The following DIP2C variants were observed in gnomAD, a reference collection of about 807,000 sequenced individuals.
DIP2C encodes disco-interacting protein 2 homolog C.
Under a neutral mutation model 192.4 loss-of-function variants are expected in DIP2C, and 33 were observed. The ratio of observed to expected loss-of-function variants is 0.17; its 90% confidence interval spans 0.13 to 0.23. The LOEUF (loss-of-function observed/expected upper bound fraction) is 0.23. Among genes scored for constraint, DIP2C ranks in the 10% least tolerant of loss-of-function variants. The pLI is 1.00. For synonymous variants in DIP2C, 979 were observed against 864.1 expected, an observed-to-expected ratio of 1.13 and a Z score of -2.33; for missense variants, 1,537 against 2,110.1, an observed-to-expected ratio of 0.73 and a Z score of 5.32.
chr10:319,213 C>T (rs1956902037), intron 31 of DIP2C, among the ~76,000 whole-genome samples: 1 of 152,144 alleles, frequency 6.6e-6, no homozygotes. Context: ...GCGCCTGGCT[C>T]ACTTCTTTCA....
chr10:327,276 C>G, intron 30 of DIP2C, 100 bp from the exon 31 acceptor site: 1 of 1,372,230 alleles, frequency 7.3e-7, no homozygotes. Flanking sequence ...CATTGGAAAA[C>G]TCAACACAGC....
intron 1 of DIP2C, among the ~76,000 whole-genome samples, chr10:539,874 A>G (rs984066444): frequency 1.3e-5 from 2 of 152,252 alleles, no homozygotes; most frequent in African/African-American, 4.8e-5. Flanking sequence ...ACAATATGCA[A>G]AAACATGGGA....
intron 1 of DIP2C, among the ~76,000 whole-genome samples, chr10:685,165 TATATATATATATATATATATAC>T (rs1203201033): frequency 0.022 from 442 of 20,016 alleles, 4 homozygotes; most frequent in African/African-American, 0.058. Flanking sequence ...AAAAAAAATA[TATATATATATATATATATATAC>T]ATATATATAT....
intron 4 of DIP2C, among the ~76,000 whole-genome samples, chr10:433,408 G>A (rs766903312): frequency 1.3e-5 from 2 of 152,184 alleles, no homozygotes; most frequent in Non-Finnish European, 2.9e-5. Flanking sequence ...GCTGGGCAGT[G>A]GCTCATGCCT....
intron 3 of DIP2C, among the ~76,000 whole-genome samples, chr10:454,931 C>T (rs11252522): frequency 0.16 from 24,350 of 151,958 alleles, 5,038 homozygotes; most frequent in African/African-American, 0.48. Context: ...TAGAAAAACC[C>T]ATACCCTTCA....
At chr10:421,740 GGTT>G (rs1234731725) in intron 5 of DIP2C, among the ~76,000 whole-genome samples, 1 of 152,108 alleles carries the variant, frequency 6.6e-6, no homozygotes, top group Non-Finnish European at 1.5e-5. Flanking sequence ...AAAAAGAAAT[GGTT>G]TTTTTCATTT....
chr10:616,506 T>C (rs57767918), intron 1 of DIP2C, among the ~76,000 whole-genome samples: 5,685 of 152,258 alleles, frequency 0.037, 323 homozygotes, highest in African/African-American at 0.13. Context: ...GGGCATCCCA[T>C]CAGCGGGCCC....
intron 29 of DIP2C, among the ~76,000 whole-genome samples, chr10:337,796 T>TGTGTGTTGTGGAGGCCTAG (rs1564576993): frequency 5.9e-5 from 1 of 17,070 alleles, no homozygotes; most frequent in African/African-American, 2.9e-4. Flanking sequence ...GCTGTGTGTG[T>TGTGTGTTGTGGAGGCCTAG]GCACGTGTGT....
chr10:285,288 G>A (rs765016851), intron 34 of DIP2C, among the ~76,000 whole-genome samples: 13 of 152,288 alleles, frequency 8.5e-5, no homozygotes, highest in Middle Eastern at 3.4e-3. Context: ...CTGGGGATGC[G>A]TCCAGGGCTG....
intron 23 of DIP2C, among the ~76,000 whole-genome samples, chr10:356,745 C>CG (rs1959101812): frequency 1.3e-5 from 2 of 152,208 alleles, no homozygotes; most frequent in Admixed American, 1.3e-4. Context: ...TCACAGCACC[C>CG]GAGTCAGGGT....
intron 1 of DIP2C, among the ~76,000 whole-genome samples, chr10:597,330 C>T (rs1851769178): frequency 6.6e-6 from 1 of 152,198 alleles, no homozygotes; most frequent in African/African-American, 2.4e-5. Context: ...GTAGCCCCTG[C>T]AGCAAGCCTC....
At chr10:495,016 T>C (rs1336583098) in intron 1 of DIP2C, among the ~76,000 whole-genome samples, 1 of 152,222 alleles carries the variant, frequency 6.6e-6, no homozygotes, top group African/African-American at 2.4e-5. Flanking sequence ...AGAGAAATCA[T>C]GGTGTATGGA....
chr10:511,316 A>G (rs901390197), intron 1 of DIP2C, among the ~76,000 whole-genome samples: 4 of 152,216 alleles, frequency 2.6e-5, no homozygotes, highest in Admixed American at 2.0e-4. Context: ...CAGCTGCCAC[A>G]GCACTGATTT....
At chr10:559,504 C>T (rs922391280) in intron 1 of DIP2C, among the ~76,000 whole-genome samples, 6 of 152,172 alleles carry the variant, frequency 3.9e-5, no homozygotes, top group Non-Finnish European at 7.3e-5. Flanking sequence ...GGCACCTTCC[C>T]TCATGTTAAA....
intron 1 of DIP2C, among the ~76,000 whole-genome samples, chr10:656,520 C>T (rs978912316): frequency 6.6e-6 from 1 of 152,192 alleles, no homozygotes; most frequent in East Asian, 1.9e-4. Context: ...CTATGCCACA[C>T]GTAAGTGCAC....
At chr10:533,712 C>T (rs1847543986) in intron 1 of DIP2C, among the ~76,000 whole-genome samples, 1 of 151,158 alleles carries the variant, frequency 6.6e-6, no homozygotes, top group Non-Finnish European at 1.5e-5. Flanking sequence ...TTCTCATGGA[C>T]AGAGAACAGA....
intron 1 of DIP2C, among the ~76,000 whole-genome samples, chr10:579,497 C>A (rs929678160): frequency 6.6e-6 from 1 of 150,586 alleles, no homozygotes; most frequent in Non-Finnish European, 1.5e-5. Context: ...AACATAAGTG[C>A]ACTATGTGTG....
At chr10:340,425 G>T (rs534199889) in intron 29 of DIP2C, among the ~76,000 whole-genome samples, 1 of 152,190 alleles carries the variant, frequency 6.6e-6, no homozygotes, top group Admixed American at 6.5e-5. Context: ...CTGGATGATG[G>T]TCACGGGTGT....
At chr10:385,534 CGCACACT>C (rs1387003989) in intron 14 of DIP2C, among the ~76,000 whole-genome samples, 1 of 152,214 alleles carries the variant, frequency 6.6e-6, no homozygotes, top group African/African-American at 2.4e-5. Context: ...TCTTGAGAAC[CGCACACT>C]GCTCTGAATC....
Sources: gnomAD v4.1 joint callset for allele counts (sites outside exome capture counted in the v4.1 genomes callset) on GRCh38, gnomAD v4.1.1 for gene constraint, MANE v1.5 for transcripts, NCBI Gene and HGNC (gene_info 2026-07-23, HGNC 2026-07-21) for gene names.